ZNF347: variants seen among roughly 807,000 people sequenced by gnomAD.
ZNF347 encodes CTD-2620I22.7.
ZNF347 carries 19 observed loss-of-function variants against 12.9 expected under a neutral mutation model. The observed-to-expected ratio is 1.47, with a 90% CI of 1.03 to 2.16. The LOEUF is 2.16. Ranked by LOEUF, ZNF347 falls within the 30% of genes most tolerant of loss-of-function variation. ZNF347 has a pLI of 0.00. For synonymous variants in ZNF347, 328 were observed against 340.6 expected (o/e 0.96, Z 0.41); for missense variants, 1,005 against 990.6 (o/e 1.01, Z -0.19).
Position 53,141,169 on chromosome 19 carries a change from A to C in ZNF347, c.1659T>G (p.Tyr553Ter). The change falls in exon 5 of 5, where the codon TAT becomes TAG. Residue 553 changes from tyrosine to a stop codon, truncating the protein, a stop_gained. Transcript: ENST00000334197. LOFTEE classifies it low-confidence loss of function (END_TRUNC). ...TGACCTGATGGGTAGTTAGGCTTGA[A>C]TACACACTGAAGGCTTTGCCGCACT... ...CNECGKAFSV[Y>*]SSLTTHQVIH... The C allele has an allele frequency of 6.2e-7, 1 of 1,608,868 alleles. No homozygotes were observed. The highest frequency in any genetic ancestry group is 8.5e-7 in the Non-Finnish European group (1 of 1,175,980).
intron 1 of ZNF347, among the ~76,000 whole-genome samples, chr19:53,156,063 A>AG (rs2090533849): frequency 2.5e-5 from 1 of 39,450 alleles, no homozygotes; most frequent in Non-Finnish European, 4.6e-5. Context: ...GGGGGGGGTT[A>AG]GGCGGGGGTC....
intron 1 of ZNF347, among the ~76,000 whole-genome samples, chr19:53,154,637 A>G (rs1325167065): frequency 6.6e-6 from 1 of 152,182 alleles, no homozygotes; most frequent in Non-Finnish European, 1.5e-5. Context: ...GCTTAACGGG[A>G]TGTCCTAAAA....
chr19:53,141,685 G>A lies in ZNF347; in HGVS notation c.1143C>T (p.Ala381=). Residue 381 remains alanine, a synonymous_variant, in exon 5 of 5, where the codon GCC becomes GCT. Coordinates refer to ENST00000334197, the MANE Select transcript of ZNF347 (RefSeq NM_032584.3). Reference sequence around the variant, plus strand: ...TAGCTAAGCTTGAACGAGCTCTAAAGGCTTTCCCACACTCATTACACTTGT... The same window carrying A: ...TAGCTAAGCTTGAACGAGCTCTAAAAGCTTTCCCACACTCATTACACTTGT... The part of the protein sequence containing the change: ...KPYKCNECGK[A]FRARSSLAIH... The A allele has an allele frequency of 6.2e-7, 1 of 1,613,980 alleles. No individual in the cohort carries two copies. The highest frequency in any genetic ancestry group is 8.5e-7 in the Non-Finnish European group (1 of 1,179,992).
At chr19:53,142,651 T>A in intron 4 of ZNF347, 95 bp from the exon 5 acceptor site, 1 of 970,828 alleles carries the variant, frequency 1.0e-6, no homozygotes, top group Non-Finnish European at 1.4e-6. Flanking sequence ...AAAACAATAT[T>A]AAACCAAAAG....
chr19:53,141,326 G>C lies in ZNF347; in HGVS notation c.1502C>G (p.Thr501Ser), dbSNP rs192197312. Residue 501 changes from threonine (T) to serine (S), a missense_variant, in exon 5 of 5, where the codon ACT (threonine) becomes AGT (serine). Transcript: ENST00000334197. ...TCCAGTATGGATGACCTGATGGGTA[G>C]TTAGGTTTGAATGTGCTCTAAAGGC... ...GKAFRAHSNL[T>S]THQVIHTGEK... The C allele has an allele frequency of 1.9e-6, 3 of 1,613,692 alleles. No homozygotes were observed. The highest frequency in any genetic ancestry group is 2.7e-5 in the African/African-American group (2 of 74,788).
chr19:53,153,838 C>A, intron 1 of ZNF347, 45 bp from the exon 2 acceptor site: 3 of 1,457,336 alleles, frequency 2.1e-6, no homozygotes, highest in Non-Finnish European at 2.9e-6. Flanking sequence ...ATTGAATATC[C>A]AAAATGTGCT....
chr19:53,145,481 T>C (rs1430209919), intron 4 of ZNF347, among the ~76,000 whole-genome samples: 1 of 150,920 alleles, frequency 6.6e-6, no homozygotes, highest in East Asian at 2.0e-4. Flanking sequence ...CAACCTCCAC[T>C]TCCTGGGCTC....
At chr19:53,147,362 G>C (rs962524025) in intron 4 of ZNF347, among the ~76,000 whole-genome samples, 1 of 151,408 alleles carries the variant, frequency 6.6e-6, no homozygotes, top group South Asian at 2.1e-4. Flanking sequence ...ACAAGAGAAC[G>C]AGACTGCATC....
In ZNF347 at chr19:53,137,106, G is replaced by C. The variant is rs1436483908; in HGVS notation, c.*3202C>G. 6.6e-6 allele frequency: 1 copy of C among 152,176 alleles called. No individual in the cohort carries two copies. Among genetic ancestry groups the C allele is most frequent in the Non-Finnish European group, 1.5e-5 (1 of 68,098 alleles). 9.4% of individuals were successfully genotyped at this position (152,176 alleles called of 1,614,324 possible). On this transcript the variant is annotated 3_prime_UTR_variant, in exon 5 of 5. Transcript: ENST00000334197. ...TCACCATGTTGGCCAGGCTCGTCTT[G>C]AGCTCCTGACCTAAGGTGATCCACC... is the stretch of plus-strand genomic sequence containing the variant.
rs186503642 is a variant in ZNF347 at position 53,140,683 on chromosome 19, C to A, written c.2145G>T (p.Gly715=). 6.2e-7 allele frequency: 1 copy of A among 1,608,314 alleles called. No individual in the cohort carries two copies. The highest frequency in any genetic ancestry group is 1.7e-5 in the Admixed American group (1 of 59,342). The part of the protein sequence containing the change: ...GEKPYECNQC[G]KAFSVRSSLT... ...GGCTTGAACGGACACTAAAGGCTTT[C>A]CCACACTGATTACACTCATATGGTT... The change falls in exon 5 of 5, where the codon GGG becomes GGT. Residue 715 remains glycine, a synonymous_variant. Coordinates refer to ENST00000334197, the MANE Select transcript of ZNF347 (RefSeq NM_032584.3).
chr19:53,141,163 G>C lies in ZNF347; in HGVS notation c.1665C>G (p.Ser555Arg), dbSNP rs1379996389. The change falls in exon 5 of 5, where the codon AGC becomes AGG. Residue 555 changes from serine to arginine, a missense_variant. Ser to Arg is a moderately radical substitution (Grantham distance 110, BLOSUM62 -1). Transcript: ENST00000334197. ...ECGKAFSVYS[S>R]LTTHQVIHTG... Reference sequence around the variant, plus strand: ...TATGGATGACCTGATGGGTAGTTAGGCTTGAATACACACTGAAGGCTTTGC... The same window carrying C: ...TATGGATGACCTGATGGGTAGTTAGCCTTGAATACACACTGAAGGCTTTGC... 1 of 1,608,802 alleles carries C rather than the reference G, an allele frequency of 6.2e-7. No homozygotes were observed. The highest frequency in any genetic ancestry group is 1.7e-5 in the Admixed American group (1 of 59,780).
intron 2 of ZNF347, among the ~76,000 whole-genome samples, chr19:53,150,986 C>T (rs1386009043): frequency 1.3e-5 from 2 of 152,190 alleles, no homozygotes; most frequent in African/African-American, 4.8e-5. Flanking sequence ...ATGATCCACC[C>T]GCCTTGGCCT....
intron 4 of ZNF347, among the ~76,000 whole-genome samples, chr19:53,147,026 A>G (rs2090467416): frequency 6.6e-6 from 1 of 152,058 alleles, no homozygotes; most frequent in Non-Finnish European, 1.5e-5. Flanking sequence ...GCTTGATGCC[A>G]GAAGTTTGAG....
Position 53,157,635 on chromosome 19 carries a change from G to C in ZNF347, c.-47+1374C>G, listed in dbSNP as rs970223078. The stretch of plus-strand genomic sequence containing the variant: ...TTCTCCCATCTCTGCTCCCTCTGTT[G>C]AATCTCCTCTTCCCTTCTACACCTC... On this transcript the variant is annotated intron_variant, in intron 1 of 4. Coordinates refer to ENST00000334197, the MANE Select transcript of ZNF347 (RefSeq NM_032584.3). 2.0e-5 allele frequency among the ~76,000 whole-genome samples: 3 copies of C among 151,862 alleles called. No individual in the cohort carries two copies. In the South Asian group the frequency reaches 6.2e-4, roughly 32 times the overall value.
intron 1 of ZNF347, among the ~76,000 whole-genome samples, chr19:53,158,084 A>G (rs4383259): frequency 0.78 from 118,793 of 152,076 alleles, 47,259 homozygotes; most frequent in Non-Finnish European, 0.84. Context: ...ATTCACAGGA[A>G]GGTTTGGACT....
chr19:53,155,218 G>A (rs1041334031), intron 1 of ZNF347, among the ~76,000 whole-genome samples: 6 of 151,912 alleles, frequency 3.9e-5, no homozygotes, highest in South Asian at 2.1e-4. Flanking sequence ...GATTACAGCC[G>A]TCAGCCACCG....
chr19:53,140,190 G>T lies in ZNF347; in HGVS notation c.*118C>A. On this transcript the variant is annotated 3_prime_UTR_variant, in exon 5 of 5. Coordinates refer to ENST00000334197, the MANE Select transcript of ZNF347 (RefSeq NM_032584.3). The stretch of plus-strand genomic sequence containing the variant: ...GTTGGGATTACAGGCATGAGCCACT[G>T]CACCCAGCCAGTCATTGCATTTTCA... The T allele has an allele frequency of 9.4e-7, 1 of 1,068,676 alleles. No homozygotes were observed. The highest frequency in any genetic ancestry group is 1.4e-6 in the Non-Finnish European group (1 of 739,984). The allele number at this position is 1,068,676 out of a possible 1,614,324, so 66.2% of individuals were successfully genotyped here.
chr19:53,140,227 A>G lies in ZNF347; in HGVS notation c.*81T>C, dbSNP rs1201624721. On this transcript the variant is annotated 3_prime_UTR_variant, in exon 5 of 5. Coordinates refer to ENST00000334197, the MANE Select transcript of ZNF347 (RefSeq NM_032584.3). ...TCATTGCATTTTCAAGGAATCTCTC[A>G]GGCATAAATTCTCTGACGTTGTCAA... is the stretch of plus-strand genomic sequence containing the variant. The G allele has an allele frequency of 3.0e-6, 4 of 1,325,112 alleles. No homozygotes were observed. The highest frequency in any genetic ancestry group is 1.5e-5 in the African/African-American group (1 of 67,734). The allele number at this position is 1,325,112 out of a possible 1,614,324, so 82.1% of individuals were successfully genotyped here.
intron 2 of ZNF347, among the ~76,000 whole-genome samples, 186 bp downstream of exon 2, chr19:53,153,547 C>T (rs577350011): frequency 7.2e-5 from 11 of 152,290 alleles, no homozygotes; most frequent in South Asian, 2.1e-4. Context: ...TCTTCCCAAG[C>T]TCATGTCACT....
Sources: allele counts gnomAD v4.1 joint callset (sites outside exome capture counted in the v4.1 genomes callset), GRCh38; gene constraint gnomAD v4.1.1; transcripts MANE v1.5; gene names NCBI Gene and HGNC (gene_info 2026-07-23, HGNC 2026-07-21).